Variants in PICALM observed in about 807,000 individuals in gnomAD.
The protein encoded by PICALM is phosphatidylinositol-binding clathrin assembly protein.
PICALM carries 40 observed loss-of-function variants against 80.5 expected under a neutral mutation model. The ratio of observed to expected loss-of-function variants is 0.50; its 90% confidence interval spans 0.39 to 0.65. The LOEUF is 0.65. Ranked by LOEUF, PICALM falls within the 30% of genes least tolerant of loss-of-function variation. The pLI is 0.00. For missense variants in PICALM, 676 were observed against 778.9 expected, an observed-to-expected ratio of 0.87 and a Z score of 1.57; for synonymous variants, 288 against 260.3, an observed-to-expected ratio of 1.11 and a Z score of -1.02.
Position 85,979,068 on chromosome 11 carries a change from GA to G in PICALM, c.1779+2060del, listed in dbSNP as rs556507334. Among the ~76,000 whole-genome samples, 10 of 149,884 alleles carry G rather than the reference GA, an allele frequency of 6.7e-5. No individual in the cohort carries two copies. The South Asian group carries it at 1.1e-3, about 16-fold the overall frequency. ...GCTTTTCAACTGCTTTGCACTTAGG[GA>G]AAAAAAAAATCTTTAGAAGTGGGGT... On this transcript the variant is annotated intron_variant, in intron 17 of 19. Transcript: ENST00000393346.
At chr11:85,992,310 G>A (rs1031568971) in intron 12 of PICALM, among the ~76,000 whole-genome samples, 2 of 148,522 alleles carry the variant, frequency 1.3e-5, no homozygotes, top group African/African-American at 2.5e-5. Context: ...AGACAGAGTC[G>A]AACTCGCTGT....
At chr11:85,979,026 G>A (rs1008501142) in intron 17 of PICALM, among the ~76,000 whole-genome samples, 13 of 152,050 alleles carry the variant, frequency 8.5e-5, no homozygotes, top group Non-Finnish European at 1.9e-4. Context: ...CAAAGAGATG[G>A]ATTTCAACTT....
intron 19 of PICALM, among the ~76,000 whole-genome samples, chr11:85,961,867 T>C (rs1440607965): frequency 6.6e-6 from 1 of 151,518 alleles, no homozygotes; most frequent in African/African-American, 2.4e-5. Context: ...ATTTATTTAT[T>C]TATTTATTTA....
At chr11:85,969,687 T>C (rs1238019745) in intron 19 of PICALM, 3 of 411,122 alleles carry the variant, frequency 7.3e-6, no homozygotes, top group Admixed American at 5.5e-5. Context: ...AACAGTTTAC[T>C]TTTTTCTTTT....
At chr11:85,990,116 G>A in intron 13 of PICALM, 134 bp downstream of exon 13, 1 of 446,732 alleles carries the variant, frequency 2.2e-6, no homozygotes, top group Non-Finnish European at 3.8e-6. Context: ...CTACATTATG[G>A]CTGGTTAGTT....
chr11:85,980,434 G>A (rs147820376), intron 17 of PICALM, among the ~76,000 whole-genome samples: 340 of 152,244 alleles, frequency 2.2e-3, no homozygotes, highest in Non-Finnish European at 3.7e-3. Flanking sequence ...TAAAAGGACC[G>A]TCTATGTGAC....
chr11:85,982,035 G>C (rs964480894), intron 14 of PICALM, 32 bp from the exon 15 acceptor site: 1 of 1,605,078 alleles, frequency 6.2e-7, no homozygotes, highest in South Asian at 1.1e-5. Context: ...AATAGAATTT[G>C]TAAGGAACTT....
At chr11:85,968,943 ACT>A (rs1480710668) in intron 19 of PICALM, among the ~76,000 whole-genome samples, 2 of 139,968 alleles carry the variant, frequency 1.4e-5, no homozygotes, top group South Asian at 2.4e-4. Context: ...CAGAAAAATG[ACT>A]CAACACACAC....
intron 9 of PICALM, among the ~76,000 whole-genome samples, chr11:86,001,446 G>C (rs2095141127): frequency 6.6e-6 from 1 of 152,216 alleles, no homozygotes; most frequent in Non-Finnish European, 1.5e-5. Flanking sequence ...CAAGCCCCAA[G>C]AGAGGAAACC....
At position 85,990,268 on chromosome 11, in the gene PICALM, T is replaced by C. The variant is rs1473110416; in HGVS notation, c.1390A>G (p.Thr464Ala). Residue 464 changes from threonine (T) to alanine (A), a missense_variant, in exon 13 of 20, where the codon ACT (threonine) becomes GCT (alanine). Around this residue, in one of 2 missense-constraint regions of PICALM, gnomAD observed 391 missense variants for 383.6 expected, o/e 1.02. Coordinates refer to ENST00000393346, the MANE Select transcript of PICALM (RefSeq NM_007166.4). ...ACTTTACCAACAAACATTTCATGAGTAGGTGTCCTAGTAGTAAAAGTAGAT... is the reference window on the plus strand; with the variant it reads ...ACTTTACCAACAAACATTTCATGAGCAGGTGTCCTAGTAGTAAAAGTAGAT... ...DVSTFTTRTP[T>A]HEMFVGFTPS... 1.9e-6 allele frequency: 3 copies of C among 1,600,634 alleles called. No homozygotes were observed. Among genetic ancestry groups the C allele is most frequent in the South Asian group, 2.2e-5 (2 of 90,058 alleles).
At chr11:85,961,116 A>G (rs1399029744) in intron 19 of PICALM, among the ~76,000 whole-genome samples, 3 of 152,252 alleles carry the variant, frequency 2.0e-5, no homozygotes, top group Non-Finnish European at 2.9e-5. Context: ...GAGGGAATAC[A>G]TAATTGCATT....
At chr11:85,960,811 A>G (rs767460659) in intron 19 of PICALM, 122 of 999,108 alleles carry the variant, frequency 1.2e-4, no homozygotes, top group Non-Finnish European at 1.5e-4. Context: ...AGGGAAAGAA[A>G]AAAAGATCTC....
chr11:86,051,993 G>C (rs185503195), intron 1 of PICALM, among the ~76,000 whole-genome samples: 145 of 152,302 alleles, frequency 9.5e-4, no homozygotes, highest in African/African-American at 3.4e-3. Context: ...ACATAGAAAG[G>C]TTTCCTTAAA....
At chr11:86,000,588 T>TA in intron 11 of PICALM, 55 bp downstream of exon 11, 1 of 1,471,522 alleles carries the variant, frequency 6.8e-7, no homozygotes. Context: ...GCAAAATTTC[T>TA]ATTAGAAGTC....
chr11:85,961,283 C>T (rs1375159910), intron 19 of PICALM, among the ~76,000 whole-genome samples: 4 of 152,208 alleles, frequency 2.6e-5, no homozygotes, highest in African/African-American at 9.7e-5. Context: ...GGTTCACACA[C>T]TTTTTACACG....
intron 11 of PICALM, among the ~76,000 whole-genome samples, chr11:85,999,414 G>A (rs1323495568): frequency 6.6e-6 from 1 of 152,122 alleles, no homozygotes; most frequent in African/African-American, 2.4e-5. Context: ...CCAATAATTT[G>A]TTTCAGCCTC....
chr11:86,034,336 G>C (rs917797468), intron 1 of PICALM, among the ~76,000 whole-genome samples: 1 of 152,028 alleles, frequency 6.6e-6, no homozygotes, highest in African/African-American at 2.4e-5. Context: ...TCATTTAATA[G>C]TACCCTGAAA....
At chr11:86,045,176 A>C (rs1434666779) in intron 1 of PICALM, among the ~76,000 whole-genome samples, 1 of 152,212 alleles carries the variant, frequency 6.6e-6, no homozygotes, top group Non-Finnish European at 1.5e-5. Context: ...GCCATTAATA[A>C]ATCACTACAA....
At chr11:86,011,787 G>T (rs1465483247) in intron 6 of PICALM, among the ~76,000 whole-genome samples, 2 of 148,986 alleles carry the variant, frequency 1.3e-5, no homozygotes, top group East Asian at 4.0e-4. Flanking sequence ...CAAAATATTT[G>T]TTTTTTTCCC....
Sources: gnomAD v4.1 joint callset for allele counts (sites outside exome capture counted in the v4.1 genomes callset) on GRCh38, gnomAD v4.1.1 for gene constraint, gnomAD v4.1.1 regional missense constraint, MANE v1.5 for transcripts, NCBI Gene and HGNC (gene_info 2026-07-23, HGNC 2026-07-21) for gene names.